EPM2A: variants seen among roughly 807,000 people sequenced by gnomAD.
EPM2A encodes the protein laforin.
EPM2A carries 21 observed loss-of-function variants against 26.5 expected under a neutral mutation model. The observed-to-expected ratio is 0.79, with a 90% CI of 0.56 to 1.14. EPM2A has a LOEUF of 1.14. Among genes scored for constraint, EPM2A ranks in the 50% most tolerant of loss-of-function variants. EPM2A has a pLI of 0.00. For missense variants in EPM2A, 458 were observed against 440.8 expected (o/e 1.04, Z -0.35); for synonymous variants, 217 against 177.6 (o/e 1.22, Z -1.76).
At chr6:145,691,901 G>A (rs4895680) in intron 1 of EPM2A, among the ~76,000 whole-genome samples, 1,645 of 152,040 alleles carry the variant, frequency 0.011, 13 homozygotes, top group Admixed American at 0.018. Context: ...CAATAATTAT[G>A]TTAAATAGTC....
rs1319725764 is a variant in EPM2A, at chr6:145,635,324, A to G, written c.639T>C (p.Thr213=). The change falls in exon 3 of 4, where the codon ACT becomes ACC. Residue 213 remains threonine (T), a synonymous_variant. Transcript: ENST00000367519. ...SGCNRYPEPM[T]PDTMIKLYRE... Reference sequence around the variant, plus strand: ...TATATAGTTTAATCATAGTGTCTGGAGTCATGGGCTCTGGGTAGCGGTTAC... The same window carrying G: ...TATATAGTTTAATCATAGTGTCTGGGGTCATGGGCTCTGGGTAGCGGTTAC... 2 of 1,614,130 alleles carry G rather than the reference A, an allele frequency of 1.2e-6. No individual in the cohort carries two copies. Among genetic ancestry groups the G allele is most frequent in the Non-Finnish European group, 8.5e-7 (1 of 1,179,996 alleles).
intron 4 of EPM2A, among the ~76,000 whole-genome samples, chr6:145,439,978 G>T (rs113070555): frequency 2.6e-5 from 4 of 152,294 alleles, no homozygotes; most frequent in South Asian, 2.1e-4. Context: ...AATCCACATT[G>T]AGTTGTTTTT....
chr6:145,405,666 G>T (rs1778557633), intron 4 of EPM2A, among the ~76,000 whole-genome samples: 1 of 151,984 alleles, frequency 6.6e-6, no homozygotes, highest in African/African-American at 2.4e-5. Flanking sequence ...ACTTTATTTA[G>T]GTTGCCTCTG....
chr6:145,484,812 T>C (rs896774113), intron 4 of EPM2A, among the ~76,000 whole-genome samples: 2 of 151,636 alleles, frequency 1.3e-5, no homozygotes, highest in Admixed American at 6.6e-5. Flanking sequence ...CTCTCTATAA[T>C]ATCCCCAAGT....
chr6:145,542,754 G>A lies in EPM2A; in HGVS notation c.341-40179C>T, dbSNP rs118031846. Among the ~76,000 whole-genome samples the A allele has an allele frequency of 8.0e-4, 121 of 151,860 alleles. 1 individual carries two copies. In the East Asian group the frequency reaches 0.02, roughly 25 times the overall value. ...CTTCCTTCTGTTTTTTTCTGTTTTT[G>A]GTTTTGTTTTGTTTTGTTTTTGAGA... is the stretch of plus-strand genomic sequence containing the variant. On this transcript the variant is annotated intron_variant, in intron 2 of 3. Transcript: ENST00000450221.
intron 1 of EPM2A, among the ~76,000 whole-genome samples, chr6:145,701,104 T>G (rs1781886057): frequency 1.3e-5 from 2 of 152,178 alleles, no homozygotes; most frequent in Admixed American, 6.5e-5. Flanking sequence ...CATTATAAAC[T>G]GAAAATAAAA....
chr6:145,473,286 T>C (rs916231738), intron 4 of EPM2A, among the ~76,000 whole-genome samples: 2 of 151,342 alleles, frequency 1.3e-5, no homozygotes, highest in Admixed American at 6.6e-5. Flanking sequence ...TCAGAGTACT[T>C]TAGTAGCAGA....
intron 1 of EPM2A, among the ~76,000 whole-genome samples, chr6:145,717,342 C>G (rs956519866): frequency 6.6e-6 from 1 of 152,100 alleles, no homozygotes; most frequent in African/African-American, 2.4e-5. Flanking sequence ...TAATCCAGCA[C>G]ATAAACAGAA....
At chr6:145,643,843 GA>G (rs34841136) in intron 2 of EPM2A, among the ~76,000 whole-genome samples, 59,214 of 149,240 alleles carry the variant, frequency 0.4, 11,870 homozygotes, top group South Asian at 0.54. Context: ...ATAATTTTCT[GA>G]AAAAAAAAAA....
At chr6:145,624,488 A>C (rs190136422), downstream of EPM2A, among the ~76,000 whole-genome samples, 1 of 152,186 alleles carries the variant, frequency 6.6e-6, no homozygotes, top group African/African-American at 2.4e-5. Flanking sequence ...TGACATCTCA[A>C]TATCACAATA....
chr6:145,431,806 G>A (rs75934445), intron 4 of EPM2A, among the ~76,000 whole-genome samples: 1,779 of 152,242 alleles, frequency 0.012, 36 homozygotes, highest in African/African-American at 0.039. Context: ...TCTGGAGCAC[G>A]CCCTGTTTTT....
intron 2 of EPM2A, among the ~76,000 whole-genome samples, chr6:145,582,908 C>T (rs1188028395): frequency 1.3e-5 from 2 of 152,070 alleles, no homozygotes; most frequent in East Asian, 1.9e-4. Context: ...AACCAGTATT[C>T]GAGCTCTTAG....
chr6:145,559,683 T>C (rs1780778183), intron 2 of EPM2A, among the ~76,000 whole-genome samples: 1 of 151,326 alleles, frequency 6.6e-6, no homozygotes, highest in Non-Finnish European at 1.5e-5. Context: ...TTTTTTTTTT[T>C]TTTTTTTTTA....
At chr6:145,690,427 G>A (rs1398403475) in intron 1 of EPM2A, among the ~76,000 whole-genome samples, 3 of 150,698 alleles carry the variant, frequency 2.0e-5, no homozygotes, top group Admixed American at 6.6e-5. Flanking sequence ...GGAGAATGGC[G>A]TGAACCCGGG....
chr6:145,408,783 G>C (rs1372150485), intron 4 of EPM2A, among the ~76,000 whole-genome samples: 3 of 152,136 alleles, frequency 2.0e-5, no homozygotes, highest in African/African-American at 7.2e-5. Flanking sequence ...GGAAGTCCAA[G>C]ATCAAGGCAC....
At chr6:145,627,894 A>G in intron 3 of EPM2A, 3 of 679,020 alleles carry the variant, frequency 4.4e-6, no homozygotes, top group Non-Finnish European at 7.4e-6. Context: ...AGAGCATTCC[A>G]GAGGCCAGAG....
At chr6:145,714,844 C>T (rs1775529413) in intron 1 of EPM2A, among the ~76,000 whole-genome samples, 1 of 152,224 alleles carries the variant, frequency 6.6e-6, no homozygotes. Context: ...TTACCTCTCA[C>T]TGGGTCCCTC....
chr6:145,488,568 A>T (rs1055372904), intron 4 of EPM2A, among the ~76,000 whole-genome samples: 1 of 148,766 alleles, frequency 6.7e-6, no homozygotes, highest in Non-Finnish European at 1.5e-5. Flanking sequence ...TTTTCCAAGT[A>T]ATACTGATTA....
At chr6:145,689,905 G>A (rs1285887374) in intron 1 of EPM2A, among the ~76,000 whole-genome samples, 2 of 152,172 alleles carry the variant, frequency 1.3e-5, no homozygotes, top group African/African-American at 4.8e-5. Flanking sequence ...CAGTAACGAG[G>A]TGCCCCTTCT....
Sources: gnomAD v4.1 joint callset for allele counts (sites outside exome capture counted in the v4.1 genomes callset) on GRCh38, gnomAD v4.1.1 for gene constraint, MANE v1.5 for transcripts, NCBI Gene and HGNC (gene_info 2026-07-23, HGNC 2026-07-21) for gene names.